The following CHN1 variants were observed in gnomAD, a reference collection of about 807,000 sequenced individuals.
CHN1 encodes the protein chimerin 1, also known as N-chimaerin.
A neutral mutation model predicts 59.5 loss-of-function variants in CHN1; 37 were observed. That is an observed-to-expected ratio of 0.62 (90% confidence interval 0.48 to 0.82). The LOEUF is 0.82. Ranked by LOEUF, CHN1 falls within the 40% of genes least tolerant of loss-of-function variation. The pLI, the probability that CHN1 is intolerant of heterozygous loss-of-function variation, is 0.00. For synonymous variants in CHN1, 206 were observed against 200.4 expected (o/e 1.03, Z -0.24); for missense variants, 469 against 571.0 (o/e 0.82, Z 1.82).
chr2:174,896,958 A>ATG (rs1381479336), intron 5 of CHN1, among the ~76,000 whole-genome samples: 2 of 152,180 alleles, frequency 1.3e-5, no homozygotes, highest in African/African-American at 4.8e-5. Flanking sequence ...TCATATATAT[A>ATG]AATTTAGTGA....
chr2:174,813,260 C>G (rs1685135272), intron 8 of CHN1, among the ~76,000 whole-genome samples: 1 of 152,160 alleles, frequency 6.6e-6, no homozygotes, highest in Non-Finnish European at 1.5e-5. Flanking sequence ...ATTCTAGAGT[C>G]CACATTTTAA....
Position 174,808,892 on chromosome 2 carries a change from C to T in CHN1, c.1102+13G>A. The T allele has an allele frequency of 6.2e-7, 1 of 1,613,234 alleles. No homozygotes were observed. Among genetic ancestry groups the T allele is most frequent in the Non-Finnish European group, 8.5e-7 (1 of 1,179,424 alleles). ...GTTGTCAGGTTATTTGAAATACATG[C>T]ATTCATACTTACTGGCAGATTCTAT... On this transcript the variant is annotated intron_variant, in intron 11 of 12. Coordinates refer to ENST00000409900, the MANE Select transcript of CHN1 (RefSeq NM_001822.7).
chr2:174,801,339 C>CTTGCAAG (rs55966265), intron 12 of CHN1, among the ~76,000 whole-genome samples: 58,805 of 151,048 alleles, frequency 0.39, 12,420 homozygotes, highest in Admixed American at 0.56. Context: ...AGTGAGCTGC[C>CTTGCAAG]TTGCAAGTTG....
At chr2:174,922,409 A>T (rs904370154) in intron 3 of CHN1, among the ~76,000 whole-genome samples, 1 of 152,208 alleles carries the variant, frequency 6.6e-6, no homozygotes, top group East Asian at 1.9e-4. Context: ...AAAATGGGTT[A>T]GTCAGGCATG....
At chr2:174,943,220 A>ATGTTTT (rs530576143) in intron 3 of CHN1, among the ~76,000 whole-genome samples, 45 of 150,006 alleles carry the variant, frequency 3.0e-4, no homozygotes, top group African/African-American at 5.6e-4. Flanking sequence ...ATGTGTGTAC[A>ATGTTTT]TGTTTTTGTT....
intron 1 of CHN1, among the ~76,000 whole-genome samples, chr2:174,975,606 G>A (rs1382244159): frequency 6.7e-6 from 1 of 149,604 alleles, no homozygotes; most frequent in African/African-American, 2.5e-5. Flanking sequence ...AGGTCCATAA[G>A]CTCTTTTAAT....
intron 6 of CHN1, among the ~76,000 whole-genome samples, chr2:174,861,659 A>G (rs541888704): frequency 1.3e-5 from 2 of 152,246 alleles, no homozygotes; most frequent in African/African-American, 4.8e-5. Context: ...GTCAAAATGT[A>G]TGCAGAATAT....
At chr2:174,805,630 C>T (rs1684859632) in intron 11 of CHN1, among the ~76,000 whole-genome samples, 1 of 152,014 alleles carries the variant, frequency 6.6e-6, no homozygotes, top group Admixed American at 6.5e-5. Flanking sequence ...GAGCAGATGG[C>T]ATTAGAGGAG....
intron 5 of CHN1, among the ~76,000 whole-genome samples, chr2:174,890,024 T>G (rs1440825083): frequency 6.6e-6 from 1 of 151,842 alleles, no homozygotes; most frequent in Non-Finnish European, 1.5e-5. Flanking sequence ...ACAATAGCTA[T>G]AAGATAAGCA....
chr2:174,806,740 C>A (rs1281425829), intron 11 of CHN1, among the ~76,000 whole-genome samples: 1 of 152,154 alleles, frequency 6.6e-6, no homozygotes, highest in Admixed American at 6.5e-5. Flanking sequence ...CTCGTCTATG[C>A]TCTATAAATG....
chr2:174,998,140 T>C (rs556850603), intron 1 of CHN1, among the ~76,000 whole-genome samples: 1 of 151,486 alleles, frequency 6.6e-6, no homozygotes, highest in African/African-American at 2.4e-5. Flanking sequence ...CCGTCTCTAC[T>C]AAATACGCAA....
chr2:174,968,178 T>C (rs966844226), intron 1 of CHN1, among the ~76,000 whole-genome samples: 2 of 152,214 alleles, frequency 1.3e-5, no homozygotes, highest in South Asian at 2.1e-4. Context: ...CTATTACTAA[T>C]ACTCACATCA....
intron 11 of CHN1, among the ~76,000 whole-genome samples, chr2:174,808,284 TTTTTG>T (rs1218228606): frequency 5.3e-5 from 8 of 152,192 alleles, no homozygotes; most frequent in Non-Finnish European, 7.3e-5. Flanking sequence ...TTTTTGTTTG[TTTTTG>T]TTTTATTTCT....
At chr2:174,996,315 C>T (rs769035897) in intron 1 of CHN1, among the ~76,000 whole-genome samples, 13 of 152,200 alleles carry the variant, frequency 8.5e-5, no homozygotes, top group Non-Finnish European at 1.6e-4. Context: ...TTCAGCCACA[C>T]ACACAAAGTA....
At chr2:174,923,523 GA>G (rs1180706142) in intron 3 of CHN1, among the ~76,000 whole-genome samples, 23 of 152,164 alleles carry the variant, frequency 1.5e-4, no homozygotes, top group African/African-American at 5.6e-4. Flanking sequence ...AACATTTTGA[GA>G]AGAGATCACG....
In CHN1 at chr2:174,855,272, C is replaced by T. The variant is rs117961396; in HGVS notation, c.550-8315G>A. On this transcript the variant is annotated intron_variant, in intron 6 of 12. Coordinates refer to ENST00000409900, the MANE Select transcript of CHN1 (RefSeq NM_001822.7). ...TAGCACAATGCTCCAGTTATCAAAG[C>T]TAAGTCAACAATCCATCCAAAAAGC... is the stretch of plus-strand genomic sequence containing the variant. 7.5e-4 allele frequency among the ~76,000 whole-genome samples: 114 copies of T among 152,258 alleles called. 2 individuals are homozygous for T. In the East Asian group the frequency reaches 0.02, roughly 27 times the overall value.
chr2:174,821,748 C>CA (rs1190218715), intron 8 of CHN1: 4 of 461,740 alleles, frequency 8.7e-6, no homozygotes, highest in Non-Finnish European at 1.8e-5. Flanking sequence ...AACCTGCTGC[C>CA]AGCTTGATCT....
chr2:174,949,890 A>G (rs895489607), intron 2 of CHN1, among the ~76,000 whole-genome samples: 1 of 152,300 alleles, frequency 6.6e-6, no homozygotes, highest in Non-Finnish European at 1.5e-5. Context: ...TTCTACTGTT[A>G]AAATGATTAC....
At chr2:174,994,983 T>C (rs1691661217) in intron 1 of CHN1, among the ~76,000 whole-genome samples, 1 of 152,182 alleles carries the variant, frequency 6.6e-6, no homozygotes, top group Non-Finnish European at 1.5e-5. Context: ...CAGACTCTCA[T>C]ATAATAAGCA....
Sources: allele counts gnomAD v4.1 joint callset (sites outside exome capture counted in the v4.1 genomes callset), GRCh38; gene constraint gnomAD v4.1.1; transcripts MANE v1.5; gene names NCBI Gene and HGNC (gene_info 2026-07-23, HGNC 2026-07-21).